Variants in MICAL1 observed in about 807,000 individuals in gnomAD.
MICAL1 encodes the protein microtubule associated monooxygenase, calponin and LIM domain containing 1.
In MICAL1, 95 loss-of-function variants were observed where a neutral mutation model predicts 131.8. That is an observed-to-expected ratio of 0.72 (90% CI 0.61 to 0.86). MICAL1 has a LOEUF of 0.86. MICAL1 is among the 40% of genes least tolerant of loss of function. The pLI is 0.00. For missense variants in MICAL1, 1,292 were observed against 1,380.6 expected, an observed-to-expected ratio of 0.94 and a Z score of 1.02; for synonymous variants, 546 against 554.2, an observed-to-expected ratio of 0.99 and a Z score of 0.21.
At position 109,454,035 on chromosome 6, in the gene MICAL1, C is replaced by G. The variant is rs754174729; in HGVS notation, c.162G>C (p.Gln54His). ...GTGACTTGGCGCTCCAGTAGTTGAGCTGGTCCTTGATCTTGTGGTACTGGG... is the reference window on the plus strand; with the variant it reads ...GTGACTTGGCGCTCCAGTAGTTGAGGTGGTCCTTGATCTTGTGGTACTGGG... ...GLPQYHKIKD[Q>H]LNYWSAKSLW... The change falls in exon 2 of 25, where the codon CAG becomes CAC. Residue 54 changes from glutamine to histidine, a missense_variant. Coordinates refer to ENST00000358807, the MANE Select transcript of MICAL1 (RefSeq NM_022765.4). 7 of 1,614,182 alleles carry G rather than the reference C, an allele frequency of 4.3e-6. No homozygotes were observed. In the East Asian group the frequency reaches 1.6e-4, roughly 36 times the overall value.
intron 18 of MICAL1, 131 bp downstream of exon 18, chr6:109,446,565 G>T: frequency 7.5e-7 from 1 of 1,338,838 alleles, no homozygotes; most frequent in Non-Finnish European, 1.1e-6. Flanking sequence ...AAGCAGACAG[G>T]CATCCCTGCC....
rs148014339 is a variant in MICAL1, at chr6:109,452,555, A to G, written c.632T>C (p.Phe211Ser). ...TCCTGCAGCCGAGATAAGGACGTCA[A>G]ATTCATAGTTGGCCAGCTGGGCAGG... ...NPPAQLANYE[F>S]DVLISAAGGK... Residue 211 changes from phenylalanine (F) to serine (S), a missense_variant, in exon 5 of 25, where the codon TTT becomes TCT. Coordinates refer to ENST00000358807, the MANE Select transcript of MICAL1 (RefSeq NM_022765.4). 2 of 1,613,858 alleles carry G rather than the reference A, an allele frequency of 1.2e-6. No individual in the cohort carries two copies. The highest frequency in any genetic ancestry group is 2.7e-5 in the African/African-American group (2 of 74,890).
intron 1 of MICAL1, among the ~76,000 whole-genome samples, chr6:109,460,921 C>T (rs1157718240): frequency 6.6e-6 from 1 of 152,136 alleles, no homozygotes; most frequent in African/African-American, 2.4e-5. Context: ...ACATTTTCAC[C>T]TTACCAGTAA....
At position 109,453,920 on chromosome 6, in the gene MICAL1, C is replaced by G; in HGVS notation, c.258+19G>C. 1 of 1,611,548 alleles carries G rather than the reference C, an allele frequency of 6.2e-7. No homozygotes were observed. The highest frequency in any genetic ancestry group is 8.5e-7 in the Non-Finnish European group (1 of 1,178,234). ...CTCCCCGCATGCTCCACACCCCATCCCAGGCACCGTGTATCCACCTTGGTG... is the reference window on the plus strand; with the variant it reads ...CTCCCCGCATGCTCCACACCCCATCGCAGGCACCGTGTATCCACCTTGGTG... On this transcript the variant is annotated intron_variant, in intron 2 of 24. Coordinates refer to ENST00000358807, the MANE Select transcript of MICAL1 (RefSeq NM_022765.4).
intron 11 of MICAL1, 173 bp from the exon 12 acceptor site, chr6:109,449,052 T>TA (rs1356389249): frequency 3.2e-5 from 28 of 864,532 alleles, no homozygotes; most frequent in East Asian, 1.9e-4. Flanking sequence ...AATTCTCTTT[T>TA]AAAAAAAATC....
exon 1 of MICAL1, chr6:109,465,683 CAT>C: frequency 1.3e-6 from 2 of 1,594,502 alleles, no homozygotes; most frequent in Non-Finnish European, 1.7e-6. Context: ...GACATACACA[CAT>C]CTTGCTACCT....
chr6:109,446,614 T>C (rs936858877), intron 18 of MICAL1, 82 bp downstream of exon 18: 7 of 1,473,120 alleles, frequency 4.8e-6, no homozygotes, highest in Non-Finnish European at 5.6e-6. Context: ...CGACATTCAG[T>C]TACCCCCAGC....
Position 109,453,672 on chromosome 6 carries a change from G to T in MICAL1, c.432C>A (p.Tyr144Ter). Reference sequence around the variant, plus strand: ...CCAGGGTGCCGGTGCAGAAGCGCCCGTAGAACTTCTTAGCACCGAGTGCCC... The same window carrying T: ...CCAGGGTGCCGGTGCAGAAGCGCCCTTAGAACTTCTTAGCACCGAGTGCCC... The part of the protein sequence containing the change: ...DLRALGAKKF[Y>*]GRFCTGTLDH... The change falls in exon 3 of 25, where the codon TAC becomes TAA. Residue 144 changes from tyrosine (Y) to a stop codon, truncating the protein, a stop_gained. Transcript: ENST00000358807. LOFTEE classifies it high-confidence loss of function. The T allele has an allele frequency of 6.2e-7, 1 of 1,613,212 alleles. No individual in the cohort carries two copies.
chr6:109,447,484 C>T, intron 15 of MICAL1, 44 bp from the exon 16 acceptor site: 2 of 1,583,870 alleles, frequency 1.3e-6, no homozygotes, highest in Non-Finnish European at 1.7e-6. Flanking sequence ...AGGGGCAGGG[C>T]CAGCTGGGAG....
At position 109,453,938 on chromosome 6, in the gene MICAL1, C is replaced by G. The variant is rs1206365323; in HGVS notation, c.258+1G>C. The G allele has an allele frequency of 1.2e-6, 2 of 1,613,074 alleles. No homozygotes were observed. Among genetic ancestry groups the G allele is most frequent in the Non-Finnish European group, 1.7e-6 (2 of 1,179,386 alleles). ...CCCCATCCCAGGCACCGTGTATCCA[C>G]CTTGGTGCTGGTGCAGGCCCGGCCC... is the stretch of plus-strand genomic sequence containing the variant. On this transcript the variant is annotated splice_donor_variant, in intron 2 of 24. Transcript: ENST00000358807. LOFTEE classifies it high-confidence loss of function.
intron 7 of MICAL1, 94 bp from the exon 8 acceptor site, chr6:109,450,651 G>A: frequency 7.1e-7 from 1 of 1,412,024 alleles, no homozygotes; most frequent in Non-Finnish European, 9.4e-7. Context: ...GCACATCCTG[G>A]GGCCCAGAGA....
upstream of MICAL1, among the ~76,000 whole-genome samples, chr6:109,457,156 A>G (rs1196168428): frequency 6.6e-6 from 1 of 152,202 alleles, no homozygotes; most frequent in Non-Finnish European, 1.5e-5. Context: ...CGAGCTGAGA[A>G]GCAGGCAGTG....
chr6:109,447,161 G>A lies in MICAL1; in HGVS notation c.2139C>T (p.Asn713=), dbSNP rs370768616. Residue 713 remains asparagine (N), a synonymous_variant, in exon 17 of 25, where the codon AAC becomes AAT. Transcript: ENST00000358807. ...AGCAGCTCCGGTGGAAGAAATGGCC[G>A]TTGACACAGAGGCGTTCCAGGACAT... ...HLYVLERLCV[N]GHFFHRSCFR... is the part of the protein sequence containing the mutation. 1.1e-4 allele frequency: 170 copies of A among 1,614,066 alleles called. No individual in the cohort carries two copies. The highest frequency in any genetic ancestry group is 5.1e-4 in the South Asian group (46 of 91,088).
chr6:109,454,943 C>T (rs1775686279), intron 1 of MICAL1: 1 of 152,266 alleles, frequency 6.6e-6, no homozygotes, highest in Non-Finnish European at 1.5e-5. Flanking sequence ...CAAAACACTT[C>T]CTCTGTGAAT....
Position 109,450,542 on chromosome 6 carries a change from T to C in MICAL1, c.949A>G (p.Asn317Asp), listed in dbSNP as rs767924957. The change falls in exon 8 of 25, where the codon AAT (asparagine) becomes GAT (aspartate). Residue 317 changes from asparagine to aspartate, a missense_variant. Coordinates refer to ENST00000358807, the MANE Select transcript of MICAL1 (RefSeq NM_022765.4). ...GVLRQDWPDT[N>D]RLLGSANVVP... Reference sequence around the variant, plus strand: ...ACATTGGCACTGCCCAGCAGCCGATTGGTGTCTGGCCAGTCCTGTATGGTC... The same window carrying C: ...ACATTGGCACTGCCCAGCAGCCGATCGGTGTCTGGCCAGTCCTGTATGGTC... 4.3e-6 allele frequency: 7 copies of C among 1,610,176 alleles called. No homozygotes were observed. In the South Asian group the frequency reaches 7.7e-5, roughly 18 times the overall value.
intron 4 of MICAL1, among the ~76,000 whole-genome samples, 174 bp downstream of exon 4, chr6:109,453,089 G>A (rs539053438): frequency 7.5e-4 from 114 of 152,320 alleles, no homozygotes; most frequent in African/African-American, 2.6e-3. Flanking sequence ...GAAACTGGGT[G>A]GCAGAGGTTG....
intron 13 of MICAL1, 55 bp from the exon 14 acceptor site, chr6:109,448,018 C>A: frequency 6.6e-7 from 1 of 1,509,366 alleles, no homozygotes; most frequent in Non-Finnish European, 9.0e-7. Context: ...ACTGTACTCT[C>A]AGAACAGACA....
chr6:109,449,341 C>G, intron 11 of MICAL1, 59 bp downstream of exon 11: 4 of 1,569,628 alleles, frequency 2.5e-6, no homozygotes, highest in Non-Finnish European at 3.5e-6. Flanking sequence ...GCAGGGACCA[C>G]CTGGGCCTCG....
rs1039369023 is a variant in MICAL1 at position 109,449,646 on chromosome 6, G to A, written c.1434+11C>T. Reference sequence around the variant, plus strand: ...GCTTGGGAAGGCTGGTGGGTGTGTCGGGGGTCTGACCTGATTGGGGGTCAC... The same window carrying A: ...GCTTGGGAAGGCTGGTGGGTGTGTCAGGGGTCTGACCTGATTGGGGGTCAC... On this transcript the variant is annotated intron_variant, in intron 10 of 24. Coordinates refer to ENST00000358807, the MANE Select transcript of MICAL1 (RefSeq NM_022765.4). 2.3e-5 allele frequency: 36 copies of A among 1,582,984 alleles called. No homozygotes were observed. Among genetic ancestry groups the A allele is most frequent in the Non-Finnish European group, 3.0e-5 (35 of 1,164,262 alleles).
Sources: allele counts gnomAD v4.1 joint callset (sites outside exome capture counted in the v4.1 genomes callset), GRCh38; gene constraint gnomAD v4.1.1; transcripts MANE v1.5; gene names NCBI Gene and HGNC (gene_info 2026-07-23, HGNC 2026-07-21).